POLB: variants seen among roughly 807,000 people sequenced by gnomAD.
The protein encoded by POLB is DNA polymerase beta.
A neutral mutation model predicts 52.7 loss-of-function variants in POLB; 37 were observed. The observed-to-expected ratio is 0.70, with a 90% CI of 0.54 to 0.92. The LOEUF (loss-of-function observed/expected upper bound fraction) is 0.92. Ranked by LOEUF, POLB falls within the 40% of genes least tolerant of loss-of-function variation. The probability of loss-of-function intolerance (pLI) is 0.00; values close to 1 mark genes in which losing one functional copy is unlikely to be tolerated. For synonymous variants in POLB, 138 were observed against 131.3 expected (o/e 1.05, Z -0.35); for missense variants, 313 against 400.8 (o/e 0.78, Z 1.87).
chr8:42,361,420 C>G, intron 10 of POLB, 55 bp downstream of exon 10: 1 of 1,175,398 alleles, frequency 8.5e-7, no homozygotes, highest in Non-Finnish European at 1.3e-6. Context: ...GTGAATTTCA[C>G]TTTTTAAGTG....
intron 9 of POLB, chr8:42,358,051 GAAT>G (rs1823436398): frequency 6.6e-6 from 1 of 152,092 alleles, no homozygotes; most frequent in African/African-American, 2.4e-5. Flanking sequence ...AGAGAGCTAA[GAAT>G]AATGTCTTAG....
intron 1 of POLB, 72 bp downstream of exon 1, chr8:42,338,757 C>T: frequency 6.9e-7 from 1 of 1,441,998 alleles, no homozygotes; most frequent in South Asian, 1.1e-5. Context: ...CCTTCTCTCC[C>T]ACACCGACAG....
In POLB at chr8:42,365,200, G is replaced by A. The variant is rs555368770; in HGVS notation, c.708+2502G>A. Among the ~76,000 whole-genome samples, 60 of 152,248 alleles carry A rather than the reference G, an allele frequency of 3.9e-4. No individual in the cohort carries two copies. The South Asian group carries it at 0.011, about 27-fold the overall frequency. On this transcript the variant is annotated intron_variant, in intron 11 of 13. Coordinates refer to ENST00000265421, the MANE Select transcript of POLB (RefSeq NM_002690.3). ...TAAGTTCAGCATGGTGATATTAGTG[G>A]GCTGTGAAAGTGTATTTTCTAAGGT...
At chr8:42,367,470 A>T (rs1387840026) in intron 11 of POLB, among the ~76,000 whole-genome samples, 1 of 152,224 alleles carries the variant, frequency 6.6e-6, no homozygotes, top group Non-Finnish European at 1.5e-5. Context: ...GCCTATGGGA[A>T]TGAGCATGAG....
At chr8:42,366,416 A>T (rs539823459) in intron 11 of POLB, among the ~76,000 whole-genome samples, 143 of 152,360 alleles carry the variant, frequency 9.4e-4, no homozygotes, top group Non-Finnish European at 1.6e-3. Flanking sequence ...TTTTTAAAGT[A>T]TAGAAGATTC....
chr8:42,348,429 G>A (rs907691693), intron 3 of POLB, among the ~76,000 whole-genome samples: 2 of 152,196 alleles, frequency 1.3e-5, no homozygotes, highest in Non-Finnish European at 2.9e-5. Context: ...ATTGTCATAT[G>A]TGGCTAGTGT....
chr8:42,368,264 G>A (rs1442304202), intron 11 of POLB, among the ~76,000 whole-genome samples: 1 of 152,196 alleles, frequency 6.6e-6, no homozygotes, highest in African/African-American at 2.4e-5. Flanking sequence ...TCCACTTGAA[G>A]GTGGAAGTTG....
chr8:42,366,795 T>A (rs1037968968), intron 11 of POLB, among the ~76,000 whole-genome samples: 19 of 152,216 alleles, frequency 1.2e-4, no homozygotes, highest in Admixed American at 1.2e-3. Flanking sequence ...AAAATTGATA[T>A]TTGCCCTACG....
At chr8:42,365,956 T>G (rs1176856282) in intron 11 of POLB, among the ~76,000 whole-genome samples, 4 of 151,790 alleles carry the variant, frequency 2.6e-5, no homozygotes, top group African/African-American at 9.7e-5. Flanking sequence ...AAAAATTAGC[T>G]GGGCGTGGTG....
At chr8:42,341,355 CTG>C (rs1453101831) in intron 2 of POLB, among the ~76,000 whole-genome samples, 2 of 152,204 alleles carry the variant, frequency 1.3e-5, no homozygotes, top group African/African-American at 4.8e-5. Flanking sequence ...CCTCCATAAA[CTG>C]TGTTTGCCTG....
chr8:42,354,422 C>A (rs1384254322), intron 6 of POLB: 1 of 1,271,668 alleles, frequency 7.9e-7, no homozygotes, highest in Admixed American at 2.3e-5. Context: ...ACAAGGCTCA[C>A]AGCTGGATTC....
At chr8:42,363,710 A>G (rs1823865611) in intron 11 of POLB, among the ~76,000 whole-genome samples, 1 of 152,112 alleles carries the variant, frequency 6.6e-6, no homozygotes, top group African/African-American at 2.4e-5. Context: ...GAAAAATATT[A>G]ATCTATTTCA....
chr8:42,343,926 C>T (rs753093271), intron 2 of POLB, among the ~76,000 whole-genome samples: 3 of 151,902 alleles, frequency 2.0e-5, no homozygotes, highest in Non-Finnish European at 2.9e-5. Context: ...GTCAGGAGTT[C>T]GGGATGAGCC....
At chr8:42,344,450 CAA>C (rs1822474592) in intron 2 of POLB, among the ~76,000 whole-genome samples, 3 of 137,886 alleles carry the variant, frequency 2.2e-5, no homozygotes, top group Middle Eastern at 4.7e-3. Context: ...GCCTGGGCAA[CAA>C]GAGCAAAACT....
chr8:42,371,766 G>T lies in POLB; in HGVS notation c.*109G>T. On this transcript the variant is annotated 3_prime_UTR_variant, in exon 14 of 14. Coordinates refer to ENST00000265421, the MANE Select transcript of POLB (RefSeq NM_002690.3). ...TTTTAAATGATTGTTTCTTCTTCAT[G>T]CTTTTGCTTGCAATGTAGTCAATAA... 1 of 676,652 alleles carries T rather than the reference G, an allele frequency of 1.5e-6. No homozygotes were observed. The highest frequency in any genetic ancestry group is 1.6e-5 in the South Asian group (1 of 61,710). 41.9% of individuals were successfully genotyped at this position (676,652 alleles called of 1,614,324 possible). A position where few individuals can be genotyped will look rare whatever the true frequency, so the allele number is the denominator to read the frequency against.
intron 3 of POLB, among the ~76,000 whole-genome samples, chr8:42,345,964 C>G (rs1273146816): frequency 1.3e-5 from 2 of 152,216 alleles, no homozygotes; most frequent in East Asian, 3.8e-4. Context: ...CCCTGTTGCT[C>G]AGGCTGGAGT....
At chr8:42,362,570 A>G (rs1451757941) in intron 10 of POLB, 42 bp from the exon 11 acceptor site, 1 of 1,164,516 alleles carries the variant, frequency 8.6e-7, no homozygotes, top group Non-Finnish European at 1.3e-6. Context: ...GCCATTACAA[A>G]GTAATTACTC....
At chr8:42,349,163 G>T in intron 4 of POLB, 73 bp downstream of exon 4, 1 of 802,058 alleles carries the variant, frequency 1.2e-6, no homozygotes. Context: ...GTCATTGCAG[G>T]GTGACCAATG....
chr8:42,371,206 C>T (rs1352209566), intron 13 of POLB, among the ~76,000 whole-genome samples: 1 of 152,214 alleles, frequency 6.6e-6, no homozygotes, highest in Non-Finnish European at 1.5e-5. Context: ...TCACTGCAAC[C>T]TCTGCCTCCC....
Sources: allele counts gnomAD v4.1 joint callset (sites outside exome capture counted in the v4.1 genomes callset), GRCh38; gene constraint gnomAD v4.1.1; transcripts MANE v1.5; gene names NCBI Gene and HGNC (gene_info 2026-07-23, HGNC 2026-07-21).